The following NCKAP5 variants were observed in gnomAD, a reference collection of about 807,000 sequenced individuals.
The protein encoded by NCKAP5 is NCK associated protein 5.
A neutral mutation model predicts 167.0 loss-of-function variants in NCKAP5; 92 were observed. The observed-to-expected ratio is 0.55, with a 90% CI of 0.47 to 0.66. NCKAP5 has a LOEUF of 0.66. NCKAP5 is among the 30% of genes least tolerant of loss of function. The pLI is 0.00. For missense variants in NCKAP5, 2,378 were observed against 2,315.0 expected (o/e 1.03, Z -0.56); for synonymous variants, 891 against 877.4 (o/e 1.02, Z -0.27).
chr2:133,668,629 T>C, the NCKAP5 span, among the ~76,000 whole-genome samples: 4 of 152,120 alleles, frequency 2.6e-5, no homozygotes, highest in African/African-American at 9.7e-5. Context: ...TTTTTTTAAC[T>C]GGTTTACTTG....
chr2:133,263,224 A>C (rs1421838712), intron 4 of NCKAP5, among the ~76,000 whole-genome samples: 1 of 152,184 alleles, frequency 6.6e-6, no homozygotes, highest in Non-Finnish European at 1.5e-5. Flanking sequence ...TTAGGAATGA[A>C]AATAATAACC....
chr2:133,471,097 C>G (rs529607432), intron 3 of NCKAP5, among the ~76,000 whole-genome samples: 8 of 152,338 alleles, frequency 5.3e-5, no homozygotes, highest in Admixed American at 2.0e-4. Flanking sequence ...AGTCATTCCA[C>G]AAGAAACTCG....
chr2:133,356,233 AGT>A (rs371737255), intron 3 of NCKAP5, among the ~76,000 whole-genome samples: 3 of 152,178 alleles, frequency 2.0e-5, no homozygotes, highest in African/African-American at 7.2e-5. Context: ...AACTAGAAGC[AGT>A]GTTCTTATAT....
intron 4 of NCKAP5, among the ~76,000 whole-genome samples, chr2:133,244,387 TGACTTTTCTC>T (rs2087872806): frequency 6.6e-6 from 1 of 152,196 alleles, no homozygotes; most frequent in Non-Finnish European, 1.5e-5. Flanking sequence ...TTTTTCAGTG[TGACTTTTCTC>T]TTTAACCTCC....
At position 133,540,041 on chromosome 2, in the gene NCKAP5, G is replaced by A. The variant is rs140870915; in HGVS notation, c.-62+19009C>T. 2.2e-3 allele frequency among the ~76,000 whole-genome samples: 330 copies of A among 152,220 alleles called. 1 individual carries two copies. The highest frequency in any genetic ancestry group is 7.4e-3 in the African/African-American group (306 of 41,542). On this transcript the variant is annotated intron_variant, in intron 2 of 19. Transcript: ENST00000409261. The stretch of plus-strand genomic sequence containing the variant: ...TAAAAATACATAAAGTTAGCTGGGC[G>A]TGGTAGCACGTCCCTGACAGTCCCA...
intron 6 of NCKAP5, among the ~76,000 whole-genome samples, chr2:133,052,209 C>T (rs997818912): frequency 6.6e-6 from 1 of 152,186 alleles, no homozygotes; most frequent in African/African-American, 2.4e-5. Flanking sequence ...TCCAAATCCA[C>T]CTCTGTGCCA....
chr2:133,530,747 A>T (rs114308361), intron 2 of NCKAP5, among the ~76,000 whole-genome samples: 2,926 of 152,292 alleles, frequency 0.019, 105 homozygotes, highest in African/African-American at 0.067. Flanking sequence ...GAGTTCTAGC[A>T]CTAGGCTTTA....
chr2:133,211,141 C>G (rs765333931), intron 5 of NCKAP5, among the ~76,000 whole-genome samples: 2 of 152,122 alleles, frequency 1.3e-5, no homozygotes, highest in Non-Finnish European at 2.9e-5. Flanking sequence ...ATCCCCCTCC[C>G]CCAGACATCC....
chr2:133,088,810 G>C (rs967891541), intron 6 of NCKAP5, among the ~76,000 whole-genome samples: 6 of 152,152 alleles, frequency 3.9e-5, no homozygotes, highest in South Asian at 2.1e-4. Flanking sequence ...CTAGAATATA[G>C]AATGAATTAA....
chr2:133,250,135 A>G (rs1574496206), intron 4 of NCKAP5, among the ~76,000 whole-genome samples: 4 of 152,052 alleles, frequency 2.6e-5, no homozygotes, highest in East Asian at 3.9e-4. Flanking sequence ...CCAGAGCACA[A>G]GGAGAAACAA....
chr2:133,200,061 C>CTTTTTTTTTTTTTTTTTTTTTT (rs70973417), intron 5 of NCKAP5, among the ~76,000 whole-genome samples: 14 of 109,392 alleles, frequency 1.3e-4, no homozygotes, highest in East Asian at 5.6e-4. Context: ...TTTTTTCTTT[C>CTTTTTTTTTTTTTTTTTTTTTT]TTTTTTTTTT....
intron 3 of NCKAP5, among the ~76,000 whole-genome samples, chr2:133,347,431 T>C (rs1684054887): frequency 6.6e-6 from 1 of 152,058 alleles, no homozygotes. Context: ...CACATTCCTT[T>C]AATCCCAGCT....
At chr2:133,599,765 C>T in the NCKAP5 span, among the ~76,000 whole-genome samples, 1 of 152,170 alleles carries the variant, frequency 6.6e-6, no homozygotes, top group Non-Finnish European at 1.5e-5. Flanking sequence ...GGGTGAGATG[C>T]CGGGAGAGCA....
intron 11 of NCKAP5, among the ~76,000 whole-genome samples, chr2:132,814,478 A>T (rs12468541): frequency 0.041 from 6,182 of 152,272 alleles, 281 homozygotes; most frequent in East Asian, 0.13. Flanking sequence ...CACTAAGCTA[A>T]ATCATTTCTT....
intron 8 of NCKAP5, among the ~76,000 whole-genome samples, chr2:132,933,210 C>G (rs1480782405): frequency 6.6e-6 from 1 of 152,174 alleles, no homozygotes; most frequent in Non-Finnish European, 1.5e-5. Flanking sequence ...TCCTCTACTT[C>G]TAACTCTCAA....
chr2:133,008,992 C>T (rs574672263), intron 6 of NCKAP5, among the ~76,000 whole-genome samples: 3 of 152,288 alleles, frequency 2.0e-5, no homozygotes, highest in South Asian at 4.2e-4. Flanking sequence ...GCTTAAGTCC[C>T]ATCTCCTGTA....
intron 3 of NCKAP5, among the ~76,000 whole-genome samples, chr2:133,516,358 A>G (rs919608177): frequency 6.6e-6 from 1 of 152,180 alleles, no homozygotes; most frequent in Admixed American, 6.5e-5. Flanking sequence ...ATGGGGTCAG[A>G]TCTACGGAGA....
intron 6 of NCKAP5, among the ~76,000 whole-genome samples, chr2:132,998,509 G>A (rs949843339): frequency 2.2e-4 from 33 of 152,164 alleles, no homozygotes; most frequent in African/African-American, 7.9e-4. Context: ...AAATCAAGTT[G>A]TCCTATCTTT....
intron 16 of NCKAP5, among the ~76,000 whole-genome samples, chr2:132,772,167 C>T (rs1682132165): frequency 6.6e-6 from 1 of 152,170 alleles, no homozygotes; most frequent in Admixed American, 6.5e-5. Context: ...TAGGCTATAC[C>T]ATCTAGGTTT....
Sources: gnomAD v4.1 joint callset for allele counts (sites outside exome capture counted in the v4.1 genomes callset) on GRCh38, gnomAD v4.1.1 for gene constraint, MANE v1.5 for transcripts, NCBI Gene and HGNC (gene_info 2026-07-23, HGNC 2026-07-21) for gene names.